Variants in DAB1 observed in about 807,000 individuals in gnomAD.
DAB1 encodes DAB adaptor protein 1.
A neutral mutation model predicts 64.6 loss-of-function variants in DAB1; 15 were observed. The ratio of observed to expected loss-of-function variants is 0.23; its 90% CI spans 0.16 to 0.36. The LOEUF is 0.36. DAB1 is among the 10% of genes least tolerant of loss of function. DAB1 has a pLI of 1.00. For synonymous variants in DAB1, 235 were observed against 251.9 expected (o/e 0.93, Z 0.64); for missense variants, 596 against 706.7 (o/e 0.84, Z 1.78).
At chr1:58,526,699 C>A (rs1646355448) in intron 2 of DAB1, among the ~76,000 whole-genome samples, 1 of 151,846 alleles carries the variant, frequency 6.6e-6, no homozygotes, top group Non-Finnish European at 1.5e-5. Context: ...TTTGCTTAGC[C>A]AAGATCATAG....
At chr1:57,060,708 G>T (rs1048728494) in intron 9 of DAB1, among the ~76,000 whole-genome samples, 2 of 152,162 alleles carry the variant, frequency 1.3e-5, no homozygotes, top group African/African-American at 2.4e-5. Context: ...GCTGCAGAGA[G>T]AGTGGGGAGG....
intron 9 of DAB1, among the ~76,000 whole-genome samples, chr1:57,027,411 C>T (rs1337924046): frequency 6.6e-6 from 1 of 152,224 alleles, no homozygotes; most frequent in Non-Finnish European, 1.5e-5. Flanking sequence ...TCTTTGCAGA[C>T]AGCCCCTTCT....
chr1:58,512,928 G>A (rs1019102595), intron 2 of DAB1, among the ~76,000 whole-genome samples: 3 of 152,052 alleles, frequency 2.0e-5, no homozygotes, highest in East Asian at 3.9e-4. Context: ...AAAAAGTAAC[G>A]ATAGACCAAA....
chr1:58,543,894 G>A (rs1414620391), intron 1 of DAB1, among the ~76,000 whole-genome samples: 6 of 152,176 alleles, frequency 3.9e-5, no homozygotes, highest in South Asian at 4.1e-4. Flanking sequence ...GCCCCTACAT[G>A]TGGCTACTGA....
intron 1 of DAB1, among the ~76,000 whole-genome samples, chr1:57,322,992 T>G (rs183356584): frequency 9.2e-5 from 14 of 151,884 alleles, no homozygotes; most frequent in African/African-American, 3.4e-4. Context: ...TATGAATGAC[T>G]AGTGATCTGC....
intron 7 of DAB1, among the ~76,000 whole-genome samples, chr1:57,542,211 A>G (rs1271315487): frequency 6.6e-6 from 1 of 152,120 alleles, no homozygotes; most frequent in Admixed American, 6.6e-5. Context: ...AGTGTTGTTT[A>G]TCTTCCTCCT....
chr1:57,288,806 G>C (rs571177605), intron 2 of DAB1, among the ~76,000 whole-genome samples: 2 of 152,056 alleles, frequency 1.3e-5, no homozygotes, highest in East Asian at 3.8e-4. Flanking sequence ...AAAGGAAAAG[G>C]GAGGAAAAAG....
At chr1:57,703,103 C>A (rs970344766) in intron 6 of DAB1, among the ~76,000 whole-genome samples, 7 of 152,050 alleles carry the variant, frequency 4.6e-5, no homozygotes, top group African/African-American at 1.2e-4. Context: ...ATAACTTAAG[C>A]AATACCATTC....
At chr1:57,568,258 C>T (rs1158090584) in intron 7 of DAB1, among the ~76,000 whole-genome samples, 1 of 152,160 alleles carries the variant, frequency 6.6e-6, no homozygotes, top group African/African-American at 2.4e-5. Context: ...TTCCTTACAC[C>T]TTATACAAAA....
At chr1:58,375,435 T>C (rs1250434818) in intron 3 of DAB1, among the ~76,000 whole-genome samples, 2 of 135,316 alleles carry the variant, frequency 1.5e-5, no homozygotes, top group South Asian at 4.8e-4. Flanking sequence ...TCTATTGAGA[T>C]AATCATGTGG....
At chr1:57,698,126 C>A (rs1646866753) in intron 6 of DAB1, among the ~76,000 whole-genome samples, 1 of 151,770 alleles carries the variant, frequency 6.6e-6, no homozygotes, top group Non-Finnish European at 1.5e-5. Flanking sequence ...TGTTCTGTCA[C>A]CCAGCCTCGA....
chr1:57,333,376 C>T (rs1388843409), intron 1 of DAB1, among the ~76,000 whole-genome samples: 8 of 152,194 alleles, frequency 5.3e-5, no homozygotes, highest in African/African-American at 1.2e-4. Context: ...TCCTCATCTC[C>T]GACAGGAGAA....
chr1:57,536,977 G>A (rs1336264064), intron 7 of DAB1, among the ~76,000 whole-genome samples: 1 of 152,204 alleles, frequency 6.6e-6, no homozygotes, highest in Non-Finnish European at 1.5e-5. Context: ...AGTGGGTAGT[G>A]TGGTCTGGAG....
intron 9 of DAB1, among the ~76,000 whole-genome samples, chr1:57,054,521 A>T (rs910238298): frequency 3.3e-5 from 4 of 120,534 alleles, no homozygotes; most frequent in African/African-American, 1.3e-4. Flanking sequence ...TCTGTCACCC[A>T]GGCTGGAGTG....
chr1:58,424,394 G>A (rs916208111), intron 3 of DAB1, among the ~76,000 whole-genome samples: 8 of 152,012 alleles, frequency 5.3e-5, no homozygotes, highest in Non-Finnish European at 1.2e-4. Context: ...AGTTATCTGG[G>A]CATCCCATGA....
chr1:57,010,994 C>T (rs779447846), intron 13 of DAB1, 151 bp downstream of exon 13: 5 of 1,085,576 alleles, frequency 4.6e-6, no homozygotes, highest in Non-Finnish European at 6.6e-6. Flanking sequence ...CATTTGAACA[C>T]AAAAGAAAGC....
chr1:58,300,602 AAGAAAGAAAG>A (rs1662114395), intron 4 of DAB1, among the ~76,000 whole-genome samples: 18 of 39,318 alleles, frequency 4.6e-4, no homozygotes, highest in Admixed American at 7.3e-4. Flanking sequence ...GAAAGAAAGA[AAGAAAGAAAG>A]AGAGAGAGAG....
At chr1:57,967,903 T>C (rs1645706809) in intron 5 of DAB1, among the ~76,000 whole-genome samples, 1 of 152,074 alleles carries the variant, frequency 6.6e-6, no homozygotes, top group African/African-American at 2.4e-5. Context: ...TGTGGGATCT[T>C]AACTTCTCAA....
At chr1:57,764,829 T>C (rs1649238317) in intron 6 of DAB1, among the ~76,000 whole-genome samples, 1 of 151,494 alleles carries the variant, frequency 6.6e-6, no homozygotes, top group Non-Finnish European at 1.5e-5. Flanking sequence ...TTATTCCTGT[T>C]GTAAGAGGCA....
Sources: gnomAD v4.1 joint callset for allele counts (sites outside exome capture counted in the v4.1 genomes callset) on GRCh38, gnomAD v4.1.1 for gene constraint, MANE v1.5 for transcripts, NCBI Gene and HGNC (gene_info 2026-07-23, HGNC 2026-07-21) for gene names.